GRIK3: variants seen among roughly 807,000 people sequenced by gnomAD.
GRIK3 encodes glutamate receptor ionotropic, kainate 3.
GRIK3 carries 29 observed loss-of-function variants against 102.5 expected under a neutral mutation model. The observed-to-expected ratio is 0.28, with a 90% CI of 0.21 to 0.39. GRIK3 has a LOEUF of 0.39. GRIK3 is among the 10% of genes least tolerant of loss of function. The pLI is 1.00. For missense variants in GRIK3, 908 were observed against 1,252.4 expected (o/e 0.73, Z 4.15); for synonymous variants, 511 against 504.9 (o/e 1.01, Z -0.16).
Position 36,799,999 on chromosome 1 carries a change from C to T in GRIK3, c.*1852G>A, listed in dbSNP as rs1642423079. On this transcript the variant is annotated 3_prime_UTR_variant, in exon 16 of 16. Coordinates refer to ENST00000373091, the MANE Select transcript of GRIK3 (RefSeq NM_000831.4). The stretch of plus-strand genomic sequence containing the variant: ...GGGCTTTGGTGTATGTCTAGCCCTC[C>T]TCTCCCTCGTCCAATGTACATAGCC... 1 of 152,174 alleles carries T rather than the reference C, an allele frequency of 6.6e-6. No individual in the cohort carries two copies. The highest frequency in any genetic ancestry group is 2.4e-5 in the African/African-American group (1 of 41,414). The allele number at this position is 152,174 out of a possible 1,614,324, so 9.4% of individuals were successfully genotyped here.
At chr1:36,860,732 G>T (rs562782364) in intron 5 of GRIK3, among the ~76,000 whole-genome samples, 4 of 152,340 alleles carry the variant, frequency 2.6e-5, no homozygotes, top group African/African-American at 9.6e-5. Flanking sequence ...AGCAGGTGGA[G>T]GGAGAAGCCA....
intron 1 of GRIK3, among the ~76,000 whole-genome samples, chr1:36,987,390 T>G (rs1156478736): frequency 6.6e-6 from 1 of 152,080 alleles, no homozygotes; most frequent in African/African-American, 2.4e-5. Context: ...GACTTGCTCC[T>G]AGGAAACACT....
rs149309489 is a variant in GRIK3, at chr1:36,821,967, G to A, written c.1755-2113C>T. Reference sequence around the variant, plus strand: ...CCCCTATCATACCACTATACTGTCCGAAAACTTGGTTTTTCATTTAATGTT... The same window carrying A: ...CCCCTATCATACCACTATACTGTCCAAAAACTTGGTTTTTCATTTAATGTT... On this transcript the variant is annotated intron_variant, in intron 11 of 15. Transcript: ENST00000373091. Among the ~76,000 whole-genome samples, 756 of 152,310 alleles carry A rather than the reference G, an allele frequency of 5.0e-3. 12 individuals are homozygous for A. The highest frequency in any genetic ancestry group is 0.027 in the East Asian group (140 of 5,180).
At chr1:36,871,152 G>A (rs1435072214) in intron 4 of GRIK3, among the ~76,000 whole-genome samples, 1 of 152,166 alleles carries the variant, frequency 6.6e-6, no homozygotes, top group Non-Finnish European at 1.5e-5. Context: ...ACAGAGGAGG[G>A]GAATGACTCC....
chr1:36,987,497 C>T (rs1436401275), intron 1 of GRIK3, among the ~76,000 whole-genome samples: 3 of 152,160 alleles, frequency 2.0e-5, no homozygotes, highest in African/African-American at 7.2e-5. Flanking sequence ...GGCTCAATCC[C>T]ATGGGGAGGT....
chr1:36,924,042 TG>T (rs1366690667), intron 1 of GRIK3, among the ~76,000 whole-genome samples: 1 of 151,910 alleles, frequency 6.6e-6, no homozygotes. Flanking sequence ...AGTGAAGTCC[TG>T]TTGTGCAAGG....
chr1:36,871,640 C>T (rs1640844766), intron 4 of GRIK3, among the ~76,000 whole-genome samples: 1 of 152,196 alleles, frequency 6.6e-6, no homozygotes, highest in Admixed American at 6.5e-5. Flanking sequence ...GAACGAAGGC[C>T]CATCCAGGAC....
At chr1:36,932,869 G>A (rs1025669958) in intron 1 of GRIK3, among the ~76,000 whole-genome samples, 1 of 152,094 alleles carries the variant, frequency 6.6e-6, no homozygotes, top group Non-Finnish European at 1.5e-5. Flanking sequence ...CCAGCCCAGG[G>A]CCTGGCACAT....
intron 1 of GRIK3, among the ~76,000 whole-genome samples, chr1:36,953,336 G>A (rs1321722152): frequency 1.3e-5 from 2 of 152,172 alleles, no homozygotes; most frequent in South Asian, 2.1e-4. Flanking sequence ...GAGGTCCAAG[G>A]GGGCCTCCCT....
chr1:36,859,352 G>A (rs1640693046), intron 6 of GRIK3, 101 bp from the exon 7 acceptor site: 2 of 1,298,778 alleles, frequency 1.5e-6, no homozygotes, highest in African/African-American at 1.5e-5. Flanking sequence ...GGTACATGAT[G>A]TCCTGGTGAG....
intron 1 of GRIK3, among the ~76,000 whole-genome samples, chr1:37,026,750 C>T (rs889401170): frequency 2.6e-5 from 4 of 152,082 alleles, no homozygotes; most frequent in Admixed American, 1.3e-4. Context: ...ACAGCAAGTA[C>T]ACATTGGACT....
chr1:36,915,617 A>G (rs576623313), intron 1 of GRIK3, among the ~76,000 whole-genome samples: 1 of 152,244 alleles, frequency 6.6e-6, no homozygotes, highest in Non-Finnish European at 1.5e-5. Flanking sequence ...TAATTGAATC[A>G]TGGGGGCAGG....
intron 1 of GRIK3, among the ~76,000 whole-genome samples, chr1:36,989,478 T>C (rs982234999): frequency 1.3e-5 from 2 of 152,196 alleles, no homozygotes; most frequent in African/African-American, 4.8e-5. Context: ...GCTGCGGCAG[T>C]GTGCGAAGGA....
chr1:36,884,826 T>G (rs1641019984), intron 2 of GRIK3, among the ~76,000 whole-genome samples: 1 of 152,218 alleles, frequency 6.6e-6, no homozygotes. Flanking sequence ...CTTCATTGAT[T>G]GATGCCTTGA....
At chr1:36,966,832 G>T (rs1642084321) in intron 1 of GRIK3, among the ~76,000 whole-genome samples, 1 of 152,084 alleles carries the variant, frequency 6.6e-6, no homozygotes, top group South Asian at 2.1e-4. Flanking sequence ...ATCCTGAGAA[G>T]AAAATAATAA....
At chr1:36,961,489 G>A (rs910518380) in intron 1 of GRIK3, among the ~76,000 whole-genome samples, 2 of 152,224 alleles carry the variant, frequency 1.3e-5, no homozygotes, top group Non-Finnish European at 2.9e-5. Flanking sequence ...GGCACTGAGA[G>A]GGGTGGCTCT....
intron 1 of GRIK3, among the ~76,000 whole-genome samples, chr1:36,937,044 A>G (rs1641667122): frequency 6.6e-6 from 1 of 152,164 alleles, no homozygotes; most frequent in African/African-American, 2.4e-5. Context: ...TGTCCTCTCC[A>G]CCAGTTTTCA....
At chr1:36,828,950 G>C (rs948934842) in intron 10 of GRIK3, among the ~76,000 whole-genome samples, 15 of 152,174 alleles carry the variant, frequency 9.9e-5, no homozygotes, top group Non-Finnish European at 1.6e-4. Flanking sequence ...CAGAGCCTTT[G>C]AAACCTCCCT....
intron 1 of GRIK3, among the ~76,000 whole-genome samples, chr1:37,032,448 G>T (rs1384911183): frequency 6.6e-6 from 1 of 152,098 alleles, no homozygotes. Context: ...AAAGCAGAGG[G>T]AAGGAGACAG....
Sources: allele counts gnomAD v4.1 joint callset (sites outside exome capture counted in the v4.1 genomes callset), GRCh38; gene constraint gnomAD v4.1.1; transcripts MANE v1.5; gene names NCBI Gene and HGNC (gene_info 2026-07-23, HGNC 2026-07-21).